The following SETBP1 variants were observed in gnomAD, a reference collection of about 807,000 sequenced individuals.
The protein encoded by SETBP1 is SET binding protein 1.
In SETBP1, 9 loss-of-function variants were observed where a neutral mutation model predicts 101.0. That is an observed-to-expected ratio of 0.09 (90% CI 0.05 to 0.16). SETBP1 has a LOEUF of 0.16. SETBP1 is among the 10% of genes least tolerant of loss of function. The pLI is 1.00. For missense variants in SETBP1, 1,858 were observed against 2,033.8 expected (o/e 0.91, Z 1.66); for synonymous variants, 818 against 788.5 (o/e 1.04, Z -0.63).
chr18:44,711,400 C>T (rs1277446532), intron 2 of SETBP1, among the ~76,000 whole-genome samples: 105 of 148,014 alleles, frequency 7.1e-4, no homozygotes, highest in African/African-American at 2.6e-3. Context: ...TCCTTCCTCT[C>T]TCCCTTCCTC....
intron 3 of SETBP1, among the ~76,000 whole-genome samples, chr18:44,918,823 T>A (rs1249722328): frequency 6.6e-6 from 1 of 152,242 alleles, no homozygotes; most frequent in Non-Finnish European, 1.5e-5. Context: ...GATGATCTTA[T>A]GTGCACTGCC....
intron 2 of SETBP1, among the ~76,000 whole-genome samples, chr18:44,712,867 A>G (rs2069374475): frequency 6.6e-6 from 1 of 151,748 alleles, no homozygotes. Flanking sequence ...AGAAAGTCAT[A>G]GGTCCACAAC....
At chr18:44,803,753 A>G (rs745498806) in intron 2 of SETBP1, among the ~76,000 whole-genome samples, 7 of 151,806 alleles carry the variant, frequency 4.6e-5, no homozygotes, top group Non-Finnish European at 4.4e-5. Flanking sequence ...TACATTTCTT[A>G]ATTTTTCTCT....
At chr18:44,867,421 C>A (rs182232922) in intron 2 of SETBP1, among the ~76,000 whole-genome samples, 40 of 152,348 alleles carry the variant, frequency 2.6e-4, no homozygotes, top group African/African-American at 9.4e-4. Context: ...CAAGCTCCAT[C>A]TTATTTCAAC....
At chr18:44,749,257 C>T (rs775983158) in intron 2 of SETBP1, among the ~76,000 whole-genome samples, 1 of 152,118 alleles carries the variant, frequency 6.6e-6, no homozygotes, top group African/African-American at 2.4e-5. Context: ...AATAATTGGA[C>T]CCATTTTATA....
intron 2 of SETBP1, among the ~76,000 whole-genome samples, chr18:44,787,918 C>T (rs886591967): frequency 1.2e-4 from 10 of 84,218 alleles, no homozygotes; most frequent in Non-Finnish European, 2.4e-4. Context: ...AAATAAGAAA[C>T]AAAAGACTTC....
intron 2 of SETBP1, among the ~76,000 whole-genome samples, chr18:44,806,578 C>A (rs1367996403): frequency 3.2e-5 from 4 of 125,800 alleles, no homozygotes; most frequent in African/African-American, 1.2e-4. Flanking sequence ...CGTTTTCTGA[C>A]TGAACTTTGT....
intron 2 of SETBP1, among the ~76,000 whole-genome samples, chr18:44,850,932 G>A (rs750934961): frequency 2.6e-5 from 4 of 152,152 alleles, no homozygotes; most frequent in African/African-American, 4.8e-5. Context: ...GGAGACAGGT[G>A]CATACTCATA....
intron 2 of SETBP1, among the ~76,000 whole-genome samples, chr18:44,769,605 G>A (rs1424276821): frequency 6.6e-6 from 1 of 152,172 alleles, no homozygotes; most frequent in Non-Finnish European, 1.5e-5. Flanking sequence ...TATTGAGTGT[G>A]TATTTCTGTA....
intron 4 of SETBP1, among the ~76,000 whole-genome samples, chr18:45,010,001 G>A (rs1051123586): frequency 3.9e-5 from 6 of 152,122 alleles, no homozygotes; most frequent in South Asian, 2.1e-4. Context: ...ACAGTTCCTC[G>A]CCTGGGAGGT....
chr18:44,881,384 T>G (rs923832050), intron 3 of SETBP1, among the ~76,000 whole-genome samples: 2 of 152,120 alleles, frequency 1.3e-5, no homozygotes, highest in Non-Finnish European at 2.9e-5. Context: ...AAAAGAAATC[T>G]GAGACTGCAG....
At chr18:44,924,167 C>G (rs2070645320) in intron 3 of SETBP1, among the ~76,000 whole-genome samples, 1 of 152,144 alleles carries the variant, frequency 6.6e-6, no homozygotes, top group South Asian at 2.1e-4. Context: ...TCAGCTTGCA[C>G]TAAGAGGGCA....
intron 4 of SETBP1, among the ~76,000 whole-genome samples, chr18:45,017,591 G>A (rs575240651): frequency 6.6e-6 from 1 of 152,242 alleles, no homozygotes; most frequent in Non-Finnish European, 1.5e-5. Context: ...AGAGGTGGCT[G>A]TAAAGGTGGC....
chr18:44,923,463 T>C (rs2070627827), intron 3 of SETBP1, among the ~76,000 whole-genome samples: 1 of 152,216 alleles, frequency 6.6e-6, no homozygotes, highest in South Asian at 2.1e-4. Flanking sequence ...CTGATGTTGT[T>C]GAGTCTTTGT....
intron 5 of SETBP1, among the ~76,000 whole-genome samples, chr18:45,053,857 G>T (rs183496343): frequency 9.2e-5 from 14 of 151,890 alleles, no homozygotes; most frequent in Admixed American, 9.2e-4. Flanking sequence ...TATAAGAGAA[G>T]GTATTTATGG....
chr18:44,992,099 A>G (rs1040992122), intron 4 of SETBP1, among the ~76,000 whole-genome samples: 5 of 152,154 alleles, frequency 3.3e-5, no homozygotes, highest in Non-Finnish European at 7.4e-5. Context: ...GGCTGCAGCT[A>G]GGTTGATTCT....
chr18:45,013,464 G>T (rs538792191), intron 4 of SETBP1, among the ~76,000 whole-genome samples: 3 of 144,296 alleles, frequency 2.1e-5, no homozygotes, highest in African/African-American at 8.7e-5. Flanking sequence ...TTTTGAGACA[G>T]AGTCTTGCTC....
At chr18:45,035,109 C>A (rs1268760768) in intron 4 of SETBP1, among the ~76,000 whole-genome samples, 3 of 152,132 alleles carry the variant, frequency 2.0e-5, no homozygotes, top group African/African-American at 7.2e-5. Context: ...TCCCAAGGAC[C>A]AGTACCCCAT....
intron 4 of SETBP1, among the ~76,000 whole-genome samples, chr18:44,983,722 T>C (rs1378004697): frequency 6.6e-6 from 1 of 152,202 alleles, no homozygotes; most frequent in East Asian, 1.9e-4. Flanking sequence ...CCTGGTTAAA[T>C]AACCCCCTGC....
Sources: gnomAD v4.1 joint callset for allele counts (sites outside exome capture counted in the v4.1 genomes callset) on GRCh38, gnomAD v4.1.1 for gene constraint, MANE v1.5 for transcripts, NCBI Gene and HGNC (gene_info 2026-07-23, HGNC 2026-07-21) for gene names.